The following BPIFB4 variants were observed in gnomAD, a reference collection of about 807,000 sequenced individuals.
The protein encoded by BPIFB4 is BPI fold-containing family B member 4.
Under a neutral mutation model 69.2 loss-of-function variants are expected in BPIFB4, and 62 were observed. The observed-to-expected ratio is 0.90, with a 90% CI of 0.73 to 1.11. The LOEUF (loss-of-function observed/expected upper bound fraction) is 1.11. BPIFB4 is among the 50% of genes least tolerant of loss of function. The pLI is 0.00. For synonymous variants in BPIFB4, 330 were observed against 332.7 expected (o/e 0.99, Z 0.09); for missense variants, 789 against 792.0 (o/e 1.00, Z 0.04).
In BPIFB4 at chr20:33,091,188, T is replaced by A. The variant is rs1314874028; in HGVS notation, c.1143+389T>A. ...AGCTACTAGGTGCTAAAAGAGCTGCTGCTGTGGGATTGGGTGTACTGGAGG... is the reference window on the plus strand; with the variant it reads ...AGCTACTAGGTGCTAAAAGAGCTGCAGCTGTGGGATTGGGTGTACTGGAGG... On this transcript the variant is annotated intron_variant, in intron 10 of 17. Coordinates refer to ENST00000375483, the MANE Select transcript of BPIFB4 (RefSeq NM_182519.3). Among the ~76,000 whole-genome samples the A allele has an allele frequency of 4.6e-5, 7 of 152,212 alleles. No homozygotes were observed. In the East Asian group the frequency reaches 1.3e-3, roughly 29 times the overall value.
At position 33,092,652 on chromosome 20, in the gene BPIFB4, T is replaced by A. The variant is rs1981639070; in HGVS notation, c.1338T>A (p.Asn446Lys). The A allele has an allele frequency of 3.1e-6, 5 of 1,608,668 alleles. No individual in the cohort carries two copies. The highest frequency in any genetic ancestry group is 4.2e-6 in the Non-Finnish European group (5 of 1,178,884). Residue 446 changes from asparagine to lysine, a missense_variant, in exon 11 of 18, where the codon AAT (asparagine) becomes AAA (lysine). Physicochemically the swap from Asn to Lys is moderately conservative, Grantham distance 94. This residue lies in a region of BPIFB4 where 8 missense variants were observed against 23.0 expected (regional missense o/e 0.35). Coordinates refer to ENST00000375483, the MANE Select transcript of BPIFB4 (RefSeq NM_182519.3). ...ATGCTCTAGACCTGGATATCACCAA[T>A]GGCATGGTGAGTCACAGCCCCACCA... ...KQHALDLDIT[N>K]GMFEELPPLT...
At chr20:33,103,906 A>C (rs1981974474) in intron 15 of BPIFB4, among the ~76,000 whole-genome samples, 1 of 152,224 alleles carries the variant, frequency 6.6e-6, no homozygotes, top group Admixed American at 6.5e-5. Flanking sequence ...TGACAGTGTA[A>C]AATTAATGAA....
chr20:33,081,255 G>A (rs986359393), intron 2 of BPIFB4, among the ~76,000 whole-genome samples: 2 of 152,216 alleles, frequency 1.3e-5, no homozygotes, highest in Non-Finnish European at 2.9e-5. Flanking sequence ...CATCTTGGGA[G>A]ATAATTAGAC....
chr20:33,097,584 G>A (rs1981789949), intron 12 of BPIFB4, 33 bp from the exon 13 acceptor site: 2 of 1,601,872 alleles, frequency 1.2e-6, no homozygotes, highest in East Asian at 2.2e-5. Flanking sequence ...TATGCTAAGG[G>A]CCCTGTCCAT....
rs1309923360 is a variant in BPIFB4 at position 33,084,880 on chromosome 20, T to C, written c.678-12T>C. ...GGTGGCCGGCCTTCTCACCACTCTG[T>C]GTCCCGAGCAGGCTGCGTATCGTGG... On this transcript the variant is annotated splice_polypyrimidine_tract_variant and intron_variant, in intron 5 of 17. Coordinates refer to ENST00000375483, the MANE Select transcript of BPIFB4 (RefSeq NM_182519.3). The C allele has an allele frequency of 9.4e-6, 15 of 1,604,090 alleles. No homozygotes were observed. Among genetic ancestry groups the C allele is most frequent in the Non-Finnish European group, 1.1e-5 (13 of 1,179,540 alleles).
At chr20:33,082,907 A>G in intron 3 of BPIFB4, 31 bp from the exon 4 acceptor site, 2 of 1,595,502 alleles carry the variant, frequency 1.3e-6, no homozygotes, top group Non-Finnish European at 1.7e-6. Flanking sequence ...AAAGGGAGGA[A>G]CCCTGGACTG....
At position 33,111,417 on chromosome 20, in the gene BPIFB4, C is replaced by A. The variant is rs148916750; in HGVS notation, c.1825C>A (p.Leu609Ile). The change falls in exon 18 of 18, where the codon CTT becomes ATT. Residue 609 changes from leucine (L) to isoleucine (I), a missense_variant. Around this residue, in one of 3 missense-constraint regions of BPIFB4, gnomAD observed 170 missense variants for 193.6 expected, o/e 0.88. Coordinates refer to ENST00000375483, the MANE Select transcript of BPIFB4 (RefSeq NM_182519.3). ...SNADIDVLED[L>I]LVLSA is the part of the protein sequence containing the mutation. ...CTACTCTGTTCTGCCATCCAAGGACCTTTTGGTGCTGAGCGCATGAGTGAC... is the reference window on the plus strand; with the variant it reads ...CTACTCTGTTCTGCCATCCAAGGACATTTTGGTGCTGAGCGCATGAGTGAC... The A allele has an allele frequency of 3.0e-5, 49 of 1,613,912 alleles. No individual in the cohort carries two copies. The highest frequency in any genetic ancestry group is 8.8e-5 in the South Asian group (8 of 91,080).
rs141031909 is a variant in BPIFB4, at chr20:33,091,553, G to A, written c.1143+754G>A. Among the ~76,000 whole-genome samples the A allele has an allele frequency of 4.7e-4, 71 of 152,368 alleles. 1 individual carries two copies. Among genetic ancestry groups the A allele is most frequent in the African/African-American group, 1.6e-3 (68 of 41,586 alleles). On this transcript the variant is annotated intron_variant, in intron 10 of 17. Coordinates refer to ENST00000375483, the MANE Select transcript of BPIFB4 (RefSeq NM_182519.3). ...GATACAGAGATGCAGGAGTGCATCC[G>A]TGCTCCCGTGTATACAGGCGCCCCT...
In BPIFB4 at chr20:33,107,476, CA is replaced by C. The variant is rs916345400; in HGVS notation, c.1745-261del. Among the ~76,000 whole-genome samples, 487 of 151,820 alleles carry C rather than the reference CA, an allele frequency of 3.2e-3. 5 individuals carry two copies. The highest frequency in any genetic ancestry group is 0.011 in the African/African-American group (472 of 41,398). On this transcript the variant is annotated intron_variant, in intron 16 of 17. Transcript: ENST00000375483. ...ACAAAAAACAAAACAAACAAACAAA[CA>C]AAAAAAGCAAAAATTAGGCATGTTG...
intron 17 of BPIFB4, among the ~76,000 whole-genome samples, chr20:33,108,112 T>C (rs62210239): frequency 0.22 from 33,808 of 152,034 alleles, 3,992 homozygotes; most frequent in Non-Finnish European, 0.28. Flanking sequence ...TTGCCCAAAA[T>C]GGAATGTGGT....
intron 17 of BPIFB4, 112 bp from the exon 18 acceptor site, chr20:33,111,300 TCA>T (rs1384676415): frequency 7.1e-7 from 1 of 1,400,728 alleles, no homozygotes; most frequent in African/African-American, 1.4e-5. Flanking sequence ...TCTCCGCTGT[TCA>T]GAGTTACTGC....
At chr20:33,083,047 T>TGGTGGA (rs1836319280) in intron 4 of BPIFB4, 47 bp downstream of exon 4, 2 of 1,236,058 alleles carry the variant, frequency 1.6e-6, no homozygotes, top group African/African-American at 4.4e-5. Flanking sequence ...GCGGTCTGCT[T>TGGTGGA]GGTGGAAGTG....
At chr20:33,088,861 GGTTCTCACT>G in intron 7 of BPIFB4, 96 bp from the exon 8 acceptor site, 1 of 1,573,274 alleles carries the variant, frequency 6.4e-7, no homozygotes. Flanking sequence ...AGCACTCAGA[GGTTCTCACT>G]GTTCAGAGCC....
chr20:33,103,109 A>T (rs1981952624), intron 15 of BPIFB4, 95 bp downstream of exon 15: 3 of 1,420,902 alleles, frequency 2.1e-6, no homozygotes, highest in Non-Finnish European at 3.0e-6. Flanking sequence ...CTGGCTGGGC[A>T]TGGGGAGTTT....
At chr20:33,107,472 C>G (rs1412484126) in intron 16 of BPIFB4, among the ~76,000 whole-genome samples, 2 of 151,634 alleles carry the variant, frequency 1.3e-5, no homozygotes, top group African/African-American at 2.4e-5. Context: ...AACAAACAAA[C>G]AAACAAAAAA....
Position 33,102,961 on chromosome 20 carries a change from T to C in BPIFB4, c.1638-11T>C. 1.2e-6 allele frequency: 2 copies of C among 1,614,000 alleles called. No individual in the cohort carries two copies. The highest frequency in any genetic ancestry group is 2.2e-5 in the South Asian group (2 of 91,076). ...TCCCTGCTTCTCACAGGCTGTTTTC[T>C]TCGTCTACAGGACCAGCCTCAACCT... On this transcript the variant is annotated splice_polypyrimidine_tract_variant and intron_variant, in intron 14 of 17. Coordinates refer to ENST00000375483, the MANE Select transcript of BPIFB4 (RefSeq NM_182519.3).
chr20:33,084,797 C>A (rs1171102182), intron 5 of BPIFB4, 95 bp from the exon 6 acceptor site: 4 of 1,503,746 alleles, frequency 2.7e-6, no homozygotes, highest in Non-Finnish European at 3.5e-6. Context: ...AAGGAACAGA[C>A]GGGGAGCAGA....
chr20:33,081,076 C>T (rs543171840), intron 2 of BPIFB4, among the ~76,000 whole-genome samples: 5 of 152,070 alleles, frequency 3.3e-5, no homozygotes, highest in South Asian at 2.1e-4. Flanking sequence ...AGAATAAATA[C>T]GAAGGGGAGA....
chr20:33,109,339 T>C (rs1982169841), intron 17 of BPIFB4, among the ~76,000 whole-genome samples: 1 of 152,228 alleles, frequency 6.6e-6, no homozygotes, highest in Admixed American at 6.5e-5. Context: ...AGATGTTCAG[T>C]GCCCCATACA....
Sources: gnomAD v4.1 joint callset for allele counts (sites outside exome capture counted in the v4.1 genomes callset) on GRCh38, gnomAD v4.1.1 for gene constraint, gnomAD v4.1.1 regional missense constraint, MANE v1.5 for transcripts, NCBI Gene and HGNC (gene_info 2026-07-23, HGNC 2026-07-21) for gene names.